Variants in CFAP206 observed in about 807,000 individuals in gnomAD.
CFAP206 encodes cilia- and flagella-associated protein 206.
In CFAP206, 53 loss-of-function variants were observed where a neutral mutation model predicts 65.4. That is an observed-to-expected ratio of 0.81 (90% CI 0.65 to 1.02). The LOEUF (loss-of-function observed/expected upper bound fraction) is 1.02. Among genes scored for constraint, CFAP206 ranks in the 50% least tolerant of loss-of-function variants. The probability of loss-of-function intolerance (pLI) is 0.00; values close to 1 mark genes in which losing one functional copy is unlikely to be tolerated. For missense variants in CFAP206, 663 were observed against 753.2 expected, an observed-to-expected ratio of 0.88 and a Z score of 1.40; for synonymous variants, 250 against 254.4, an observed-to-expected ratio of 0.98 and a Z score of 0.17.
intron 11 of CFAP206, among the ~76,000 whole-genome samples, chr6:87,455,033 C>T (rs1768615223): frequency 6.6e-6 from 1 of 151,754 alleles, no homozygotes; most frequent in Non-Finnish European, 1.5e-5. Context: ...AGTGATTCTC[C>T]TGCCTCAGCC....
chr6:87,420,463 T>C (rs1179121537), intron 7 of CFAP206, among the ~76,000 whole-genome samples: 1 of 152,232 alleles, frequency 6.6e-6, no homozygotes, highest in Non-Finnish European at 1.5e-5. Context: ...GTAGAAATGA[T>C]GAGTGTGGTC....
intron 11 of CFAP206, chr6:87,441,840 C>A: frequency 3.6e-6 from 1 of 276,724 alleles, no homozygotes; most frequent in South Asian, 4.3e-5. Flanking sequence ...TTCATTGAGC[C>A]AAATCCGATG....
chr6:87,430,354 A>G (rs1391980046), intron 9 of CFAP206, among the ~76,000 whole-genome samples: 1 of 152,228 alleles, frequency 6.6e-6, no homozygotes, highest in Non-Finnish European at 1.5e-5. Flanking sequence ...AATACGTGGT[A>G]TTATTTGTGT....
chr6:87,438,749 AATTTATTTTTTAC>A (rs1198446368), intron 11 of CFAP206, among the ~76,000 whole-genome samples: 3 of 152,118 alleles, frequency 2.0e-5, no homozygotes, highest in African/African-American at 7.2e-5. Context: ...ACTTTCACAC[AATTTATTTTTTAC>A]ATTGAGATCT....
intron 7 of CFAP206, among the ~76,000 whole-genome samples, chr6:87,420,313 C>T (rs971485552): frequency 6.6e-6 from 1 of 152,208 alleles, no homozygotes; most frequent in African/African-American, 2.4e-5. Context: ...GAAACTGTCA[C>T]ACAACTGTAA....
At position 87,418,291 on chromosome 6, in the gene CFAP206, C is replaced by A. The variant is rs149134342; in HGVS notation, c.715C>A (p.Arg239Ser). The change falls in exon 7 of 13, where the codon CGC becomes AGC. Residue 239 changes from arginine (R) to serine (S), a missense_variant. Physicochemically the swap from Arg to Ser is moderately radical, Grantham distance 110. Coordinates refer to ENST00000369562, the MANE Select transcript of CFAP206 (RefSeq NM_001031743.3). ...TGAGACTGCCCGGAGCCAGGTATAC[C>A]GCTACACAGCCATCCTTGAGAAGGC... ...QLETARSQVY[R>S]YTAILEKAAN... 3 of 1,614,042 alleles carry A rather than the reference C, an allele frequency of 1.9e-6. No individual in the cohort carries two copies. Among genetic ancestry groups the A allele is most frequent in the South Asian group, 1.1e-5 (1 of 91,068 alleles).
intron 11 of CFAP206, among the ~76,000 whole-genome samples, chr6:87,449,460 A>G (rs1768504332): frequency 6.7e-6 from 1 of 150,210 alleles, no homozygotes; most frequent in Non-Finnish European, 1.5e-5. Context: ...AAAAAAAAAA[A>G]AGAGTTCCCT....
In CFAP206 at chr6:87,410,639, A is replaced by G. The variant is rs1478994760; in HGVS notation, c.163A>G (p.Met55Val). 6.2e-7 allele frequency: 1 copy of G among 1,614,062 alleles called. No homozygotes were observed. Among genetic ancestry groups the G allele is most frequent in the South Asian group, 1.1e-5 (1 of 91,064 alleles). ...TGGCTTTAACATGGATAGAACCCTC[A>G]TGAAAAGTGATGTGCAGAATCTTGT... ...SNGFNMDRTLMKSDVQNLVKL... is the reference protein window; with the variant it reads ...SNGFNMDRTLVKSDVQNLVKL... Residue 55 changes from methionine to valine, a missense_variant, in exon 3 of 13, where the codon ATG becomes GTG. Transcript: ENST00000369562.
chr6:87,464,300 A>C lies in CFAP206; in HGVS notation c.*50A>C, dbSNP rs746413116. The C allele has an allele frequency of 8.4e-6, 12 of 1,430,128 alleles. No homozygotes were observed. In the South Asian group the frequency reaches 1.5e-4, roughly 18 times the overall value. The allele number at this position is 1,430,128 out of a possible 1,614,324, so 88.6% of individuals were successfully genotyped here. A position where few individuals can be genotyped will look rare whatever the true frequency, so the allele number is the denominator to read the frequency against. Reference sequence around the variant, plus strand: ...TGCTACTCAATTATGAACAATAGCAAGTACTTAAAGGTATATTAACATCTA... The same window carrying C: ...TGCTACTCAATTATGAACAATAGCACGTACTTAAAGGTATATTAACATCTA... On this transcript the variant is annotated 3_prime_UTR_variant, in exon 13 of 13. Coordinates refer to ENST00000369562, the MANE Select transcript of CFAP206 (RefSeq NM_001031743.3).
intron 11 of CFAP206, among the ~76,000 whole-genome samples, chr6:87,457,844 G>C (rs893672698): frequency 6.6e-6 from 1 of 152,158 alleles, no homozygotes; most frequent in African/African-American, 2.4e-5. Flanking sequence ...AAGTTAAAAA[G>C]CTTCTGCACA....
chr6:87,450,830 C>T (rs938261651), intron 11 of CFAP206, among the ~76,000 whole-genome samples: 4 of 152,150 alleles, frequency 2.6e-5, no homozygotes, highest in African/African-American at 9.7e-5. Context: ...TACTACCCCT[C>T]CCCGCATGCC....
intron 11 of CFAP206, among the ~76,000 whole-genome samples, chr6:87,437,377 T>G (rs111297040): frequency 0.015 from 1,110 of 76,214 alleles, 21 homozygotes; most frequent in African/African-American, 0.049. Context: ...ACTTTTGCCG[T>G]TTTTTTTTCC....
At chr6:87,414,360 G>A (rs752140337) in intron 4 of CFAP206, among the ~76,000 whole-genome samples, 10 of 152,088 alleles carry the variant, frequency 6.6e-5, no homozygotes, top group East Asian at 1.9e-4. Flanking sequence ...GCAGTGGCAC[G>A]ATCCACAGAT....
intron 4 of CFAP206, 37 bp downstream of exon 4, chr6:87,413,937 T>C (rs1479788716): frequency 9.5e-7 from 1 of 1,056,782 alleles, no homozygotes; most frequent in East Asian, 2.9e-5. Context: ...TTAAAAAATT[T>C]CATACTGTGT....
intron 9 of CFAP206, among the ~76,000 whole-genome samples, chr6:87,429,929 GTAAGCAAATA>G (rs566945837): frequency 1.4e-3 from 218 of 152,254 alleles, no homozygotes; most frequent in African/African-American, 5.2e-3. Context: ...AGCAGCATAT[GTAAGCAAATA>G]TTAAATGAAA....
At chr6:87,419,508 G>A (rs181333171) in intron 7 of CFAP206, among the ~76,000 whole-genome samples, 146 of 152,282 alleles carry the variant, frequency 9.6e-4, no homozygotes, top group Admixed American at 1.2e-3. Context: ...AAGAAACACA[G>A]TCTGTTAATT....
intron 11 of CFAP206, among the ~76,000 whole-genome samples, chr6:87,451,374 A>G (rs548320891): frequency 9.2e-5 from 14 of 152,252 alleles, no homozygotes; most frequent in East Asian, 3.9e-4. Flanking sequence ...TGAAGCCCCA[A>G]TTCCAGACCA....
At chr6:87,454,037 G>T (rs1768589066) in intron 11 of CFAP206, among the ~76,000 whole-genome samples, 1 of 152,068 alleles carries the variant, frequency 6.6e-6, no homozygotes, top group Non-Finnish European at 1.5e-5. Flanking sequence ...AAAATGAAGG[G>T]ATGAAAAAAG....
chr6:87,442,779 T>C (rs1372075444), intron 11 of CFAP206, among the ~76,000 whole-genome samples: 4 of 152,188 alleles, frequency 2.6e-5, no homozygotes, highest in Middle Eastern at 3.2e-3. Flanking sequence ...TGGTGAATTA[T>C]ATTATTTCTA....
Sources: allele counts gnomAD v4.1 joint callset (sites outside exome capture counted in the v4.1 genomes callset), GRCh38; gene constraint gnomAD v4.1.1; transcripts MANE v1.5; gene names NCBI Gene and HGNC (gene_info 2026-07-23, HGNC 2026-07-21).